The following OTOG variants were observed in gnomAD, a reference collection of about 807,000 sequenced individuals.
OTOG encodes the protein otogelin.
A neutral mutation model predicts 313.8 loss-of-function variants in OTOG; 296 were observed. The observed-to-expected ratio is 0.94, with a 90% CI of 0.86 to 1.04. OTOG has a LOEUF of 1.04. Ranked by LOEUF, OTOG falls within the 50% of genes least tolerant of loss-of-function variation. The pLI is 0.00. For synonymous variants in OTOG, 1,533 were observed against 1,554.9 expected, an observed-to-expected ratio of 0.99 and a Z score of 0.33; for missense variants, 3,948 against 3,840.1, an observed-to-expected ratio of 1.03 and a Z score of -0.74.
chr11:17,585,125 G>C (rs936218699), intron 23 of OTOG, among the ~76,000 whole-genome samples: 1 of 152,148 alleles, frequency 6.6e-6, no homozygotes, highest in Non-Finnish European at 1.5e-5. Context: ...TCTTCCTTAA[G>C]TGCCTGGTAG....
chr11:17,552,208 A>G, intron 4 of OTOG, 133 bp downstream of exon 4: 2 of 876,898 alleles, frequency 2.3e-6, no homozygotes, highest in Admixed American at 2.1e-5. Context: ...ATCTCCTTCC[A>G]CCCACTCTGG....
At position 17,574,179 on chromosome 11, in the gene OTOG, G is replaced by A. The variant is rs1160049130; in HGVS notation, c.2294-541G>A. ...CCCACAGAGTGTAGGAGACTCTGGG[G>A]GGAGTGGGATGCTGGCCACACAAGG... On this transcript the variant is annotated intron_variant, in intron 19 of 55. Coordinates refer to ENST00000399397, the MANE Select transcript of OTOG (RefSeq NM_001292063.2). Among the ~76,000 whole-genome samples the A allele has an allele frequency of 2.0e-5, 3 of 152,192 alleles. No individual in the cohort carries two copies. In the East Asian group the frequency reaches 5.8e-4, roughly 29 times the overall value.
rs769972201 is a variant in OTOG, at chr11:17,561,148, C to A, written c.1498+11C>A. The stretch of plus-strand genomic sequence containing the variant: ...CAGCTGTCTGCCCAGGTATGTCTGC[C>A]CCCCACCTTGCACTAGGATCCCTTC... On this transcript the variant is annotated intron_variant, in intron 14 of 55. Transcript: ENST00000399397. 1.3e-6 allele frequency: 2 copies of A among 1,550,482 alleles called. No individual in the cohort carries two copies. The highest frequency in any genetic ancestry group is 2.4e-5 in the South Asian group (2 of 84,050).
chr11:17,564,292 A>G (rs1252934870), intron 15 of OTOG, among the ~76,000 whole-genome samples: 1 of 152,198 alleles, frequency 6.6e-6, no homozygotes, highest in East Asian at 1.9e-4. Flanking sequence ...CTACAACATG[A>G]TCAGTGCCAT....
At chr11:17,601,252 A>G (rs1853241821) in intron 31 of OTOG, among the ~76,000 whole-genome samples, 1 of 152,074 alleles carries the variant, frequency 6.6e-6, no homozygotes, top group African/African-American at 2.4e-5. Flanking sequence ...TGGGGCACAG[A>G]GGAGGAGGGA....
At chr11:17,621,002 T>C (rs1030512895) in intron 39 of OTOG, among the ~76,000 whole-genome samples, 6 of 152,224 alleles carry the variant, frequency 3.9e-5, no homozygotes, top group Non-Finnish European at 7.3e-5. Flanking sequence ...CTCTATTTCT[T>C]GAGCACATAT....
intron 32 of OTOG, 21 bp downstream of exon 32, chr11:17,602,398 ACTCCAG>A: frequency 1.3e-6 from 2 of 1,541,666 alleles, no homozygotes; most frequent in Non-Finnish European, 1.8e-6. Context: ...TCCCAGTCCC[ACTCCAG>A]CTCTTCTGGG....
intron 35 of OTOG, 98 bp from the exon 36 acceptor site, chr11:17,609,557 A>G: frequency 9.0e-7 from 1 of 1,108,942 alleles, no homozygotes; most frequent in Admixed American, 2.9e-5. Flanking sequence ...CATCACCGAG[A>G]GTGCCAGTCC....
chr11:17,569,024 T>C, intron 15 of OTOG, 132 bp from the exon 16 acceptor site: 4 of 1,095,232 alleles, frequency 3.7e-6, no homozygotes, highest in Non-Finnish European at 5.2e-6. Flanking sequence ...CCTGATATCT[T>C]TGGGGCTCTG....
intron 32 of OTOG, among the ~76,000 whole-genome samples, chr11:17,604,308 G>A (rs1306398201): frequency 2.0e-5 from 3 of 152,198 alleles, no homozygotes; most frequent in Admixed American, 2.0e-4. Flanking sequence ...GCCTTGATCC[G>A]GGCCAACCCC....
At chr11:17,623,012 C>A (rs575516267) in intron 39 of OTOG, among the ~76,000 whole-genome samples, 22 of 152,232 alleles carry the variant, frequency 1.4e-4, no homozygotes, top group African/African-American at 4.6e-4. Context: ...TTTGTTATTT[C>A]CTGTCTTTTG....
intron 40 of OTOG, among the ~76,000 whole-genome samples, 189 bp downstream of exon 40, chr11:17,629,505 T>C (rs1337514599): frequency 6.6e-6 from 1 of 152,156 alleles, no homozygotes; most frequent in Non-Finnish European, 1.5e-5. Flanking sequence ...AGGGAGATAG[T>C]AGAGGGCTCT....
chr11:17,551,309 C>T (rs1851926564), intron 3 of OTOG, among the ~76,000 whole-genome samples: 1 of 152,098 alleles, frequency 6.6e-6, no homozygotes, highest in Admixed American at 6.6e-5. Context: ...CTGAACACCC[C>T]TGTTGTTATA....
At position 17,547,359 on chromosome 11, in the gene OTOG, C is replaced by G. The variant is rs745852200; in HGVS notation, c.-14C>G. ...TGGCCCTGCGCTCAAGTCCTCCGGT[C>G]CCCTCGTGTCCCTATGGGAGTCCTG... On this transcript the variant is annotated 5_prime_UTR_variant, in exon 1 of 56. Coordinates refer to ENST00000399397, the MANE Select transcript of OTOG (RefSeq NM_001292063.2). 3.9e-5 allele frequency: 52 copies of G among 1,339,572 alleles called. No individual in the cohort carries two copies. Among genetic ancestry groups the G allele is most frequent in the Non-Finnish European group, 4.5e-5 (47 of 1,049,712 alleles). The allele number at this position is 1,339,572 out of a possible 1,614,324, so 83.0% of individuals were successfully genotyped here.
chr11:17,637,635 T>C, intron 47 of OTOG, among the ~76,000 whole-genome samples: 1 of 152,160 alleles, frequency 6.6e-6, no homozygotes, highest in Admixed American at 6.5e-5. Flanking sequence ...ACACACTATC[T>C]GGCTGAGTCA....
intron 39 of OTOG, among the ~76,000 whole-genome samples, chr11:17,614,156 C>G (rs984995391): frequency 3.3e-5 from 5 of 152,168 alleles, no homozygotes; most frequent in Non-Finnish European, 5.9e-5. Context: ...AGCCCACCCC[C>G]ATATGGGCAT....
chr11:17,609,671 T>C lies in OTOG; in HGVS notation c.4371T>C (p.Val1457=), dbSNP rs1187363994. The C allele has an allele frequency of 2.7e-6, 4 of 1,492,482 alleles. No individual in the cohort carries two copies. Among genetic ancestry groups the C allele is most frequent in the East Asian group, 2.5e-5 (1 of 40,378 alleles). 92.5% of individuals were successfully genotyped at this position (1,492,482 alleles called of 1,614,324 possible). ...TCTCCGCAGGTGTGGAGCCAGCAGTTTGGGTTCCCACAGAGGCCCTTGGCA... is the reference window on the plus strand; with the variant it reads ...TCTCCGCAGGTGTGGAGCCAGCAGTCTGGGTTCCCACAGAGGCCCTTGGCA... ...VYLEDCVEPA[V]WVPTEALGNE... Residue 1457 remains valine, a synonymous_variant, in exon 36 of 56, where the codon GTT becomes GTC. Transcript: ENST00000399397.
rs1481243061 is a variant in OTOG, at chr11:17,610,817, T to C, written c.5517T>C (p.Thr1839=). The C allele has an allele frequency of 6.4e-6, 10 of 1,550,744 alleles. No homozygotes were observed. The highest frequency in any genetic ancestry group is 8.7e-6 in the Non-Finnish European group (10 of 1,147,020). The change falls in exon 36 of 56, where the codon ACT becomes ACC. Residue 1839 remains threonine (T), a synonymous_variant. Coordinates refer to ENST00000399397, the MANE Select transcript of OTOG (RefSeq NM_001292063.2). The part of the protein sequence containing the change: ...ITTPLQPQAT[T]LPAQTLSPVL... Reference sequence around the variant, plus strand: ...CTCCACTCCAGCCACAGGCCACGACTCTGCCTGCTCAGACACTTAGCCCAG... The same window carrying C: ...CTCCACTCCAGCCACAGGCCACGACCCTGCCTGCTCAGACACTTAGCCCAG...
In OTOG at chr11:17,627,675, TG is replaced by T. The variant is rs1460234853; in HGVS notation, c.6529-1457del. On this transcript the variant is annotated intron_variant, in intron 39 of 55. Transcript: ENST00000399397. ...GGATTGGTATTAACTCTTCTTCAAA[TG>T]TTTGGTAGAAGTCAGCAGTGAAGCC... Among the ~76,000 whole-genome samples, 29 of 150,134 alleles carry T rather than the reference TG, an allele frequency of 1.9e-4. No individual in the cohort carries two copies. In the South Asian group the frequency reaches 5.7e-3, roughly 29 times the overall value.
Sources: gnomAD v4.1 joint callset for allele counts (sites outside exome capture counted in the v4.1 genomes callset) on GRCh38, gnomAD v4.1.1 for gene constraint, MANE v1.5 for transcripts, NCBI Gene and HGNC (gene_info 2026-07-23, HGNC 2026-07-21) for gene names.